FBXL2: variants seen among roughly 807,000 people sequenced by gnomAD.
FBXL2 encodes the protein F-box and leucine rich repeat protein 2.
A neutral mutation model predicts 69.2 loss-of-function variants in FBXL2; 38 were observed. The ratio of observed to expected loss-of-function variants is 0.55; its 90% CI spans 0.42 to 0.72. The LOEUF (loss-of-function observed/expected upper bound fraction) is 0.72. Among genes scored for constraint, FBXL2 ranks in the 30% least tolerant of loss-of-function variants. The probability of loss-of-function intolerance (pLI) is 0.00; values close to 1 mark genes in which losing one functional copy is unlikely to be tolerated. For missense variants in FBXL2, 354 were observed against 520.3 expected (o/e 0.68, Z 3.11); for synonymous variants, 192 against 201.3 (o/e 0.95, Z 0.39).
chr3:33,395,612 A>G lies in FBXL2; in HGVS notation n.1215-7622A>G, dbSNP rs751337262. 1.2e-3 allele frequency among the ~76,000 whole-genome samples: 189 copies of G among 152,122 alleles called. 6 individuals carry two copies. The highest frequency in any genetic ancestry group is 6.5e-4 in the Admixed American group (10 of 15,268). ...TACAGTGACATAAAAACACGGCACC[A>G]GACGCGCCACACAAGGTGCACAATG... On this transcript the variant is annotated intron_variant and non_coding_transcript_variant, in intron 12 of 12. Coordinates refer to the FBXL2 transcript ENST00000463736.
At chr3:33,296,947 A>G (rs1047695705) in intron 1 of FBXL2, among the ~76,000 whole-genome samples, 1 of 152,182 alleles carries the variant, frequency 6.6e-6, no homozygotes, top group Non-Finnish European at 1.5e-5. Context: ...TGTAATTTTG[A>G]GAAAGATTGC....
At chr3:33,409,465 T>TA in the FBXL2 span, 1 of 1,614,186 alleles carries the variant, frequency 6.2e-7, no homozygotes, top group Non-Finnish European at 8.5e-7. Context: ...AACTTTGATT[T>TA]GGCAGCTAGC....
intron 12 of FBXL2, chr3:33,403,206 C>T: frequency 3.5e-6 from 1 of 288,348 alleles, no homozygotes; most frequent in East Asian, 1.3e-4. Context: ...GCTTTCTCCT[C>T]CCTCTTTACC....
intron 5 of FBXL2, 128 bp downstream of exon 5, chr3:33,364,847 A>G (rs1334600335): frequency 1.1e-5 from 9 of 847,772 alleles, no homozygotes; most frequent in African/African-American, 1.7e-5. Context: ...TAGAGTAATG[A>G]GAGGACCAGG....
chr3:33,413,477 G>C, the FBXL2 span, among the ~76,000 whole-genome samples: 1 of 148,826 alleles, frequency 6.7e-6, no homozygotes, highest in Non-Finnish European at 1.5e-5. Flanking sequence ...AACCCGGGAG[G>C]CAGAGCTTGC....
chr3:33,294,156 G>A (rs1234350017), intron 1 of FBXL2, among the ~76,000 whole-genome samples: 1 of 152,170 alleles, frequency 6.6e-6, no homozygotes, highest in Admixed American at 6.5e-5. Flanking sequence ...GAGTGCAGTA[G>A]CGTGGTCATA....
chr3:33,396,509 G>T, intron 12 of FBXL2: 1 of 506,896 alleles, frequency 2.0e-6, no homozygotes, highest in East Asian at 3.3e-5. Context: ...GAGATGGTCT[G>T]TCAGATGCTG....
At chr3:33,335,987 A>T (rs1436563030) in intron 2 of FBXL2, among the ~76,000 whole-genome samples, 1 of 152,232 alleles carries the variant, frequency 6.6e-6, no homozygotes, top group Non-Finnish European at 1.5e-5. Flanking sequence ...TAACCTAAAT[A>T]AATCAGGAGG....
At chr3:33,367,092 GTTTCTTTTTTTT>G (rs890380026) in intron 5 of FBXL2, among the ~76,000 whole-genome samples, 1 of 151,644 alleles carries the variant, frequency 6.6e-6, no homozygotes, top group African/African-American at 2.4e-5. Context: ...TACAAAGTCA[GTTTCTTTTTTTT>G]TTTCTTTTTA....
chr3:33,342,148 G>T (rs2040076425), intron 2 of FBXL2, among the ~76,000 whole-genome samples: 2 of 151,090 alleles, frequency 1.3e-5, no homozygotes, highest in African/African-American at 4.9e-5. Flanking sequence ...GGGACTACAG[G>T]TGCCTGATAC....
chr3:33,278,558 A>G (rs1175090305), intron 1 of FBXL2, among the ~76,000 whole-genome samples: 1 of 152,198 alleles, frequency 6.6e-6, no homozygotes, highest in African/African-American at 2.4e-5. Context: ...AGAAAAAACT[A>G]TCATTAGGAA....
chr3:33,411,124 T>A, the FBXL2 span, among the ~76,000 whole-genome samples: 1 of 150,620 alleles, frequency 6.6e-6, no homozygotes, highest in East Asian at 1.9e-4. Context: ...GGGCGGAAAC[T>A]ACTAAAAACT....
the FBXL2 span, among the ~76,000 whole-genome samples, chr3:33,416,451 T>A: frequency 4.9e-3 from 749 of 152,330 alleles, 5 homozygotes; most frequent in African/African-American, 0.017. Flanking sequence ...TATGCCAACA[T>A]TGACATTCTT....
At chr3:33,344,804 T>C (rs1378080997) in intron 2 of FBXL2, among the ~76,000 whole-genome samples, 1 of 152,114 alleles carries the variant, frequency 6.6e-6, no homozygotes. Context: ...ATTGATAAAT[T>C]CTTACTAAAA....
chr3:33,396,144 G>C, intron 12 of FBXL2: 2 of 1,530,950 alleles, frequency 1.3e-6, no homozygotes, highest in Non-Finnish European at 1.8e-6. Flanking sequence ...ACAGAATTGA[G>C]ATGCCCTCAA....
intron 2 of FBXL2, chr3:33,303,126 T>C (rs755282539): frequency 1.1e-5 from 5 of 456,612 alleles, no homozygotes; most frequent in South Asian, 7.7e-5. Flanking sequence ...CTGTCTGTGG[T>C]GCCTGCTGCC....
chr3:33,358,079 A>G (rs2041341689), intron 2 of FBXL2, among the ~76,000 whole-genome samples: 1 of 152,180 alleles, frequency 6.6e-6, no homozygotes, highest in South Asian at 2.1e-4. Context: ...GAGGAACATT[A>G]TAGGTGGCTG....
chr3:33,319,221 C>A (rs2037982989), intron 2 of FBXL2, among the ~76,000 whole-genome samples: 1 of 151,808 alleles, frequency 6.6e-6, no homozygotes, highest in Non-Finnish European at 1.5e-5. Flanking sequence ...GTGGGAGTGC[C>A]CATGGCAAGT....
At chr3:33,338,215 C>T (rs2039739733) in intron 2 of FBXL2, among the ~76,000 whole-genome samples, 1 of 152,092 alleles carries the variant, frequency 6.6e-6, no homozygotes, top group Non-Finnish European at 1.5e-5. Flanking sequence ...AGTTCAAGAC[C>T]AGCCTGGCCA....
Sources: gnomAD v4.1 joint callset for allele counts (sites outside exome capture counted in the v4.1 genomes callset) on GRCh38, gnomAD v4.1.1 for gene constraint, MANE v1.5 for transcripts, NCBI Gene and HGNC (gene_info 2026-07-23, HGNC 2026-07-21) for gene names.